Variants in CRYL1 observed in about 807,000 individuals in gnomAD.
CRYL1 encodes lambda-crystallin homolog.
A neutral mutation model predicts 36.6 loss-of-function variants in CRYL1; 29 were observed. The observed-to-expected ratio is 0.79, with a 90% CI of 0.59 to 1.08. The LOEUF (loss-of-function observed/expected upper bound fraction) is 1.08, where lower values mean the gene tolerates loss of function less well. Ranked by LOEUF, CRYL1 falls within the 50% of genes least tolerant of loss-of-function variation. The pLI is 0.00. For synonymous variants in CRYL1, 152 were observed against 151.5 expected (o/e 1.00, Z -0.02); for missense variants, 411 against 407.9 (o/e 1.01, Z -0.06).
chr13:20,503,424 C>A (rs2001455), intron 2 of CRYL1, among the ~76,000 whole-genome samples: 3,016 of 152,262 alleles, frequency 0.02, 104 homozygotes, highest in African/African-American at 0.067. Flanking sequence ...GTTTAGCAGT[C>A]GGTGCTGTGC....
chr13:20,485,925 G>GTTTT (rs2033389355), intron 3 of CRYL1, among the ~76,000 whole-genome samples: 1 of 151,222 alleles, frequency 6.6e-6, no homozygotes. Context: ...TTGTTTGTTT[G>GTTTT]TTTGTTTTTT....
chr13:20,461,996 G>A (rs1213164837), intron 3 of CRYL1, among the ~76,000 whole-genome samples: 5 of 112,746 alleles, frequency 4.4e-5, no homozygotes, highest in Non-Finnish European at 9.3e-5. Flanking sequence ...GAGGCGGGAG[G>A]ACTGCCTGGT....
intron 3 of CRYL1, among the ~76,000 whole-genome samples, chr13:20,441,453 C>T (rs1054674505): frequency 2.6e-5 from 4 of 152,154 alleles, no homozygotes; most frequent in Non-Finnish European, 5.9e-5. Flanking sequence ...TCAAGGGTTT[C>T]CTCTCCATCC....
chr13:20,480,953 C>T (rs2033265647), intron 3 of CRYL1, among the ~76,000 whole-genome samples: 1 of 152,090 alleles, frequency 6.6e-6, no homozygotes, highest in Non-Finnish European at 1.5e-5. Flanking sequence ...ATTACTTGCT[C>T]ATATTATATC....
intron 6 of CRYL1, among the ~76,000 whole-genome samples, chr13:20,407,648 G>A (rs974721084): frequency 6.6e-6 from 1 of 152,064 alleles, no homozygotes; most frequent in Admixed American, 6.6e-5. Context: ...CATGCCCTCT[G>A]TCCCTTTGAG....
At chr13:20,430,852 A>G in intron 5 of CRYL1, 5 of 985,206 alleles carry the variant, frequency 5.1e-6, no homozygotes, top group Non-Finnish European at 6.0e-6. Context: ...AATATTTTAA[A>G]TAAATCTCCA....
In CRYL1 at chr13:20,415,372, G is replaced by A. The variant is rs1035698457; in HGVS notation, c.634-1985C>T. Among the ~76,000 whole-genome samples the A allele has an allele frequency of 2.6e-5, 4 of 152,002 alleles. No homozygotes were observed. The highest frequency in any genetic ancestry group is 5.9e-5 in the Non-Finnish European group (4 of 67,970). ...GCGAGAAAAGGGGTTCGAAACCCCC[G>A]CCGTGCCCCGCAACCGGCTGCGGCG... On this transcript the variant is annotated intron_variant, in intron 5 of 7. Transcript: ENST00000298248. The surrounding 1 kb of genome is among the most constrained non-coding windows in gnomAD (Gnocchi z 4.1).
chr13:20,497,598 C>T (rs536557206), intron 2 of CRYL1, among the ~76,000 whole-genome samples: 2 of 150,768 alleles, frequency 1.3e-5, no homozygotes, highest in Non-Finnish European at 3.0e-5. Flanking sequence ...GCACCACACA[C>T]ACCACACACA....
At chr13:20,452,770 TTGC>T (rs2032598019) in intron 3 of CRYL1, among the ~76,000 whole-genome samples, 2 of 152,088 alleles carry the variant, frequency 1.3e-5, no homozygotes, top group South Asian at 4.2e-4. Flanking sequence ...CTGGTGGGAG[TTGC>T]TGATAATGGG....
At chr13:20,445,741 A>G (rs1399417043) in intron 3 of CRYL1, among the ~76,000 whole-genome samples, 1 of 152,262 alleles carries the variant, frequency 6.6e-6, no homozygotes, top group African/African-American at 2.4e-5. Flanking sequence ...AGAAACTAAA[A>G]GGATATTAAA....
Position 20,525,805 on chromosome 13 carries a change from G to C in CRYL1, c.-11C>G, listed in dbSNP as rs1442307098. On this transcript the variant is annotated 5_prime_UTR_variant, in exon 1 of 8. Transcript: ENST00000298248. This position sits in a 1 kb window ranked among gnomAD's most constrained non-coding sequence, Gnocchi z 4.3. Reference sequence around the variant, plus strand: ...CGCGGAGGACGCCATGGTTGGGCCGGGGACGCGGCGCCGCGGGCGCTGGGA... The same window carrying C: ...CGCGGAGGACGCCATGGTTGGGCCGCGGACGCGGCGCCGCGGGCGCTGGGA... The C allele has an allele frequency of 3.2e-6, 4 of 1,240,222 alleles. No individual in the cohort carries two copies. In the African/African-American group the frequency reaches 4.7e-5, roughly 15 times the overall value. The allele number at this position is 1,240,222 out of a possible 1,614,324, so 76.8% of individuals were successfully genotyped here. A position where few individuals can be genotyped will look rare whatever the true frequency, so the allele number is the denominator to read the frequency against.
intron 3 of CRYL1, among the ~76,000 whole-genome samples, chr13:20,483,973 C>T (rs2033339484): frequency 1.3e-5 from 2 of 152,142 alleles, no homozygotes; most frequent in South Asian, 4.1e-4. Context: ...CCCACCACCA[C>T]ACCTGGCTAA....
intron 4 of CRYL1, among the ~76,000 whole-genome samples, chr13:20,432,680 C>T (rs1232606883): frequency 6.6e-6 from 1 of 152,094 alleles, no homozygotes; most frequent in Non-Finnish European, 1.5e-5. Context: ...GTCTTCCCAT[C>T]TGCAGTCACC....
At chr13:20,419,708 C>T (rs533339697) in intron 5 of CRYL1, among the ~76,000 whole-genome samples, 34 of 152,162 alleles carry the variant, frequency 2.2e-4, no homozygotes, top group Non-Finnish European at 4.3e-4. Context: ...CCACCACATC[C>T]GGCCTAGATT....
chr13:20,422,523 T>G (rs1166495516), intron 5 of CRYL1, among the ~76,000 whole-genome samples: 1 of 152,204 alleles, frequency 6.6e-6, no homozygotes, highest in Non-Finnish European at 1.5e-5. Context: ...CCCTTGCACC[T>G]CCAGCCAGGC....
At chr13:20,460,572 C>T (rs1397412579) in intron 3 of CRYL1, among the ~76,000 whole-genome samples, 4 of 118,438 alleles carry the variant, frequency 3.4e-5, no homozygotes, top group East Asian at 5.5e-4. Flanking sequence ...GTCGCCCAGG[C>T]TGGAGTGCAG....
At chr13:20,441,431 C>T (rs904511327) in intron 3 of CRYL1, among the ~76,000 whole-genome samples, 1 of 152,080 alleles carries the variant, frequency 6.6e-6, no homozygotes, top group Non-Finnish European at 1.5e-5. Flanking sequence ...CAGTGTGCCA[C>T]CAAATGCATC....
intron 5 of CRYL1, among the ~76,000 whole-genome samples, chr13:20,413,984 G>A (rs1270849651): frequency 6.6e-6 from 1 of 152,116 alleles, no homozygotes; most frequent in Admixed American, 6.5e-5. Flanking sequence ...GACCAGCCTG[G>A]CCAACATGGT....
intron 1 of CRYL1, among the ~76,000 whole-genome samples, chr13:20,523,235 A>C (rs2034130014): frequency 6.6e-6 from 1 of 151,840 alleles, no homozygotes; most frequent in African/African-American, 2.4e-5. Flanking sequence ...CCATTTTTAA[A>C]AGTTATCACT....
Sources: allele counts gnomAD v4.1 joint callset (sites outside exome capture counted in the v4.1 genomes callset), GRCh38; gene constraint gnomAD v4.1.1; non-coding constraint Gnocchi (gnomAD v3.1); transcripts MANE v1.5; gene names NCBI Gene and HGNC (gene_info 2026-07-23, HGNC 2026-07-21).